Variants in SEMA3D observed in about 807,000 individuals in gnomAD.
The protein encoded by SEMA3D is semaphorin 3D.
In SEMA3D, 84 loss-of-function variants were observed where a neutral mutation model predicts 100.1. That is an observed-to-expected ratio of 0.84 (90% CI 0.70 to 1.01). SEMA3D has a LOEUF of 1.01. Ranked by LOEUF, SEMA3D falls within the 50% of genes least tolerant of loss-of-function variation. The pLI is 0.00. For synonymous variants in SEMA3D, 312 were observed against 320.7 expected (o/e 0.97, Z 0.29); for missense variants, 875 against 934.1 (o/e 0.94, Z 0.82).
chr7:85,086,212 T>G (rs935646003), intron 4 of SEMA3D, among the ~76,000 whole-genome samples: 1 of 152,202 alleles, frequency 6.6e-6, no homozygotes, highest in African/African-American at 2.4e-5. Flanking sequence ...TCTTTTAGAC[T>G]CTAAACATTT....
chr7:85,193,031 A>G, the SEMA3D span, among the ~76,000 whole-genome samples: 1 of 152,192 alleles, frequency 6.6e-6, no homozygotes, highest in Non-Finnish European at 1.5e-5. Flanking sequence ...TCAGTCCAGC[A>G]TGTAAGGAGC....
chr7:85,163,597 A>G (rs528523864), intron 1 of SEMA3D, among the ~76,000 whole-genome samples: 2 of 152,262 alleles, frequency 1.3e-5, no homozygotes, highest in African/African-American at 4.8e-5. Context: ...TAATGAATAA[A>G]GTGAAAGATG....
chr7:85,034,663 A>G (rs754396103), intron 12 of SEMA3D, among the ~76,000 whole-genome samples: 1 of 152,046 alleles, frequency 6.6e-6, no homozygotes, highest in Non-Finnish European at 1.5e-5. Context: ...AAGTACTTCA[A>G]TAGACATTTC....
Position 85,097,804 on chromosome 7 carries a change from C to A in SEMA3D, c.312+1G>T. 6.4e-7 allele frequency: 1 copy of A among 1,562,296 alleles called. No individual in the cohort carries two copies. The highest frequency in any genetic ancestry group is 8.8e-7 in the Non-Finnish European group (1 of 1,140,400). ...CCAAATGTATATATAAATATACTGA[C>A]CTTCTTAAAATTTTTGTTTAAGTCA... On this transcript the variant is annotated splice_donor_variant, in intron 4 of 18. Coordinates refer to ENST00000284136, the MANE Select transcript of SEMA3D (RefSeq NM_001384900.1). LOFTEE classifies it high-confidence loss of function.
chr7:85,009,078 A>G (rs753176648), intron 17 of SEMA3D, among the ~76,000 whole-genome samples: 1 of 151,760 alleles, frequency 6.6e-6, no homozygotes, highest in African/African-American at 2.4e-5. Flanking sequence ...TTGTTCTATC[A>G]TGACCTAAAT....
At chr7:85,059,456 G>A (rs929948904) in intron 8 of SEMA3D, among the ~76,000 whole-genome samples, 1 of 152,124 alleles carries the variant, frequency 6.6e-6, no homozygotes, top group Non-Finnish European at 1.5e-5. Flanking sequence ...AACATGAGTA[G>A]AATTTATTGT....
At chr7:85,050,651 T>G (rs1057157119) in intron 9 of SEMA3D, 1 of 430,866 alleles carries the variant, frequency 2.3e-6, no homozygotes. Flanking sequence ...TGACCAAAAT[T>G]TGCATTGTTC....
chr7:85,241,000 G>A, the SEMA3D span, among the ~76,000 whole-genome samples: 1 of 151,984 alleles, frequency 6.6e-6, no homozygotes, highest in African/African-American at 2.4e-5. Context: ...CAAATAGTGT[G>A]CTAAGAATAT....
At chr7:85,234,728 G>A in the SEMA3D span, among the ~76,000 whole-genome samples, 2 of 152,298 alleles carry the variant, frequency 1.3e-5, no homozygotes, top group Admixed American at 1.3e-4. Context: ...AATAACAGGT[G>A]TGTTAAAGGA....
chr7:85,107,108 ATATATATGTGTGTG>A (rs1375111160), intron 3 of SEMA3D, among the ~76,000 whole-genome samples: 1 of 152,112 alleles, frequency 6.6e-6, no homozygotes, highest in Non-Finnish European at 1.5e-5. Flanking sequence ...TTGCCAGAAT[ATATATATGTGTGTG>A]TATATATGTG....
At chr7:85,197,272 T>A in the SEMA3D span, among the ~76,000 whole-genome samples, 3 of 152,108 alleles carry the variant, frequency 2.0e-5, no homozygotes, top group African/African-American at 7.2e-5. Context: ...CTTTTAAATA[T>A]CTGAATAGGA....
At chr7:85,099,863 TA>T (rs1274679908) in intron 3 of SEMA3D, among the ~76,000 whole-genome samples, 2 of 151,996 alleles carry the variant, frequency 1.3e-5, no homozygotes, top group East Asian at 1.9e-4. Flanking sequence ...TGTCCATTTT[TA>T]AAAATTAGGT....
rs576987034 is a variant in SEMA3D at position 85,083,897 on chromosome 7, C to A, written c.313-2318G>T. 3.7e-3 allele frequency among the ~76,000 whole-genome samples: 548 copies of A among 149,760 alleles called. 4 individuals are homozygous for A. Among genetic ancestry groups the A allele is most frequent in the African/African-American group, 0.013 (536 of 40,592 alleles). On this transcript the variant is annotated intron_variant, in intron 4 of 18. Transcript: ENST00000284136. ...GGGTGGTGGCTCACGCCTCTAATCC[C>A]AGCACTTTGGGAGGCTGAGGCAGGC...
chr7:85,040,537 T>C (rs1293589076), intron 11 of SEMA3D, 136 bp downstream of exon 11: 1 of 597,340 alleles, frequency 1.7e-6, no homozygotes, highest in Non-Finnish European at 3.0e-6. Flanking sequence ...TAAGGAACAC[T>C]AAGTGAAAAG....
intron 4 of SEMA3D, among the ~76,000 whole-genome samples, chr7:85,088,627 T>C (rs968813941): frequency 6.6e-6 from 1 of 152,182 alleles, no homozygotes; most frequent in Non-Finnish European, 1.5e-5. Flanking sequence ...GTTTTCCTGT[T>C]GCAAAACAAG....
At chr7:85,052,549 C>G (rs1255589990) in intron 9 of SEMA3D, among the ~76,000 whole-genome samples, 5 of 151,992 alleles carry the variant, frequency 3.3e-5, no homozygotes, top group Admixed American at 3.3e-4. Context: ...AAATGCCTGG[C>G]CTCCATTCCT....
intron 2 of SEMA3D, among the ~76,000 whole-genome samples, chr7:85,128,344 A>G (rs893643594): frequency 1.3e-5 from 2 of 151,100 alleles, no homozygotes; most frequent in African/African-American, 4.9e-5. Flanking sequence ...AATTTTTTGT[A>G]TTTTTTAGTA....
intron 1 of SEMA3D, among the ~76,000 whole-genome samples, chr7:85,167,697 G>A (rs917828593): frequency 2.0e-5 from 3 of 151,718 alleles, no homozygotes; most frequent in African/African-American, 7.3e-5. Flanking sequence ...TTCCAGGAAG[G>A]ATGGAATTTC....
chr7:85,044,633 A>G (rs567131819), intron 9 of SEMA3D, among the ~76,000 whole-genome samples: 9 of 152,206 alleles, frequency 5.9e-5, no homozygotes, highest in Admixed American at 2.0e-4. Context: ...CCAAATCATT[A>G]TGAACTTACT....
Sources: gnomAD v4.1 joint callset for allele counts (sites outside exome capture counted in the v4.1 genomes callset) on GRCh38, gnomAD v4.1.1 for gene constraint, MANE v1.5 for transcripts, NCBI Gene and HGNC (gene_info 2026-07-23, HGNC 2026-07-21) for gene names.